TRAPPC3L: variants seen among roughly 807,000 people sequenced by gnomAD.
TRAPPC3L encodes trafficking protein particle complex subunit 3-like protein.
Under a neutral mutation model 23.7 loss-of-function variants are expected in TRAPPC3L, and 23 were observed. The observed-to-expected ratio is 0.97, with a 90% CI of 0.70 to 1.37. The LOEUF (loss-of-function observed/expected upper bound fraction) is 1.37, where lower values mean the gene tolerates loss of function less well. TRAPPC3L is among the 40% of genes most tolerant of loss of function. TRAPPC3L has a pLI of 0.00. For synonymous variants in TRAPPC3L, 81 were observed against 77.9 expected, an observed-to-expected ratio of 1.04 and a Z score of -0.21; for missense variants, 212 against 216.8, an observed-to-expected ratio of 0.98 and a Z score of 0.14.
At chr6:116,534,304 A>G (rs1359122089) in intron 3 of TRAPPC3L, among the ~76,000 whole-genome samples, 2 of 152,194 alleles carry the variant, frequency 1.3e-5, no homozygotes, top group Non-Finnish European at 2.9e-5. Context: ...TTGAAGTGTC[A>G]AATCAGTGCT....
intron 3 of TRAPPC3L, among the ~76,000 whole-genome samples, chr6:116,513,902 TGTGACCTAGAACTA>T (rs1249735881): frequency 6.6e-6 from 1 of 152,220 alleles, no homozygotes; most frequent in Non-Finnish European, 1.5e-5. Flanking sequence ...TCACCAGCTA[TGTGACCTAGAACTA>T]GTGGTTCGAC....
At chr6:116,538,051 G>T (rs1235269761) in intron 3 of TRAPPC3L, among the ~76,000 whole-genome samples, 1 of 152,140 alleles carries the variant, frequency 6.6e-6, no homozygotes. Context: ...TTTGTTAGCA[G>T]CTATTTTGAA....
chr6:116,541,072 G>A lies in TRAPPC3L; in HGVS notation c.141-610C>T, dbSNP rs552719229. Among the ~76,000 whole-genome samples the A allele has an allele frequency of 2.6e-5, 4 of 152,154 alleles. No homozygotes were observed. The South Asian group carries it at 6.2e-4, about 24-fold the overall frequency. ...CAGGGAAACAAACTATGGGATTGGGGGAAGGTATTGTATTATCTCCACCCC... is the reference window on the plus strand; with the variant it reads ...CAGGGAAACAAACTATGGGATTGGGAGAAGGTATTGTATTATCTCCACCCC... On this transcript the variant is annotated intron_variant, in intron 2 of 4. Transcript: ENST00000368602.
chr6:116,495,229 T>G lies in TRAPPC3L; in HGVS notation c.*1725A>C, dbSNP rs1187694805. On this transcript the variant is annotated 3_prime_UTR_variant, in exon 5 of 5. Coordinates refer to ENST00000368602, the MANE Select transcript of TRAPPC3L (RefSeq NM_001139444.3). ...CCATATCTCCATGAGTCCACTGTTT[T>G]AATTTTTAGCTCCTACAAATAAATG... 2 of 151,946 alleles carry G rather than the reference T, an allele frequency of 1.3e-5. No individual in the cohort carries two copies. The highest frequency in any genetic ancestry group is 3.9e-4 in the East Asian group (2 of 5,164). The allele number at this position is 151,946 out of a possible 1,614,324, so 9.4% of individuals were successfully genotyped here.
At chr6:116,539,878 T>C (rs760246762) in intron 3 of TRAPPC3L, among the ~76,000 whole-genome samples, 24 of 152,208 alleles carry the variant, frequency 1.6e-4, no homozygotes, top group Non-Finnish European at 3.5e-4. Flanking sequence ...TGATTCCAAG[T>C]TGTCTCCTAC....
chr6:116,503,816 G>A (rs1311629188), intron 3 of TRAPPC3L, among the ~76,000 whole-genome samples: 1 of 152,138 alleles, frequency 6.6e-6, no homozygotes, highest in Non-Finnish European at 1.5e-5. Context: ...GATGTTCTTA[G>A]AAACCAATGA....
intron 3 of TRAPPC3L, among the ~76,000 whole-genome samples, chr6:116,501,309 G>A (rs963879635): frequency 6.6e-6 from 1 of 152,204 alleles, no homozygotes; most frequent in African/African-American, 2.4e-5. Flanking sequence ...GTCTGCCATT[G>A]CTGAGGTTTG....
chr6:116,542,082 C>CA (rs1317666887), intron 2 of TRAPPC3L, among the ~76,000 whole-genome samples: 3 of 151,996 alleles, frequency 2.0e-5, no homozygotes, highest in Non-Finnish European at 4.4e-5. Flanking sequence ...AGCTTTTTCA[C>CA]AAAACAATGC....
At chr6:116,545,405 C>T in intron 1 of TRAPPC3L, 68 bp downstream of exon 1, 1 of 1,384,724 alleles carries the variant, frequency 7.2e-7, no homozygotes, top group Non-Finnish European at 9.9e-7. Flanking sequence ...TTTTTAAAAT[C>T]AATCAGAAAT....
At position 116,515,543 on chromosome 6, in the gene TRAPPC3L, C is replaced by T. The variant is rs1772204845; in HGVS notation, c.241-14877G>A. Reference sequence around the variant, plus strand: ...AGCTATACACTTCTCAATAATACCCCAGCTCCCTAAATGGCTTTGCTTTCA... The same window carrying T: ...AGCTATACACTTCTCAATAATACCCTAGCTCCCTAAATGGCTTTGCTTTCA... On this transcript the variant is annotated intron_variant, in intron 3 of 4. Transcript: ENST00000368602. 4 of 1,519,492 alleles carry T rather than the reference C, an allele frequency of 2.6e-6. No homozygotes were observed. In the Admixed American group the frequency reaches 8.3e-5, roughly 32 times the overall value. The allele number at this position is 1,519,492 out of a possible 1,614,324, so 94.1% of individuals were successfully genotyped here.
intron 3 of TRAPPC3L, among the ~76,000 whole-genome samples, chr6:116,508,429 GC>G (rs1419454050): frequency 1.3e-5 from 2 of 152,194 alleles, no homozygotes; most frequent in Admixed American, 6.6e-5. Flanking sequence ...GCAGTTGTGA[GC>G]CCCAAAGGTG....
chr6:116,500,361 G>A, intron 4 of TRAPPC3L, 120 bp downstream of exon 4: 1 of 913,240 alleles, frequency 1.1e-6, no homozygotes, highest in Non-Finnish European at 1.6e-6. Flanking sequence ...GGGGTAATTT[G>A]TAACACACCA....
intron 2 of TRAPPC3L, among the ~76,000 whole-genome samples, chr6:116,540,921 G>C (rs1773409885): frequency 1.3e-5 from 2 of 152,048 alleles, no homozygotes; most frequent in African/African-American, 4.8e-5. Context: ...TTCCAGGATG[G>C]GCTCTGGAAG....
At chr6:116,508,815 T>C (rs1024106127) in intron 3 of TRAPPC3L, among the ~76,000 whole-genome samples, 1 of 152,120 alleles carries the variant, frequency 6.6e-6, no homozygotes, top group Admixed American at 6.6e-5. Context: ...AACACAGTGC[T>C]ATTAATAGAA....
chr6:116,529,184 G>A (rs933364797), intron 3 of TRAPPC3L: 3 of 152,216 alleles, frequency 2.0e-5, no homozygotes, highest in Non-Finnish European at 2.9e-5. Context: ...CTTCAGCTCT[G>A]TGCGTGGTAA....
At chr6:116,515,175 A>G (rs993295746) in intron 3 of TRAPPC3L, among the ~76,000 whole-genome samples, 8 of 152,188 alleles carry the variant, frequency 5.3e-5, no homozygotes, top group African/African-American at 1.7e-4. Context: ...GTCTCTAGCC[A>G]TGTATATACA....
chr6:116,520,931 T>A (rs1185139898), intron 3 of TRAPPC3L: 2 of 152,006 alleles, frequency 1.3e-5, no homozygotes, highest in East Asian at 3.9e-4. Flanking sequence ...TTTTTATGAA[T>A]TTAAATTGGT....
rs1171116153 is a variant in TRAPPC3L at position 116,496,072 on chromosome 6, T to G, written c.*882A>C. 1.3e-5 allele frequency: 2 copies of G among 152,328 alleles called. No homozygotes were observed. Among genetic ancestry groups the G allele is most frequent in the Admixed American group, 6.5e-5 (1 of 15,290 alleles). 9.4% of individuals were successfully genotyped at this position (152,328 alleles called of 1,614,324 possible). Reference sequence around the variant, plus strand: ...GGCTGCCTTGTAGGCCGCCCTTGTGTGCCAGTGGTCTGGTGAAGATTACTG... The same window carrying G: ...GGCTGCCTTGTAGGCCGCCCTTGTGGGCCAGTGGTCTGGTGAAGATTACTG... On this transcript the variant is annotated 3_prime_UTR_variant, in exon 5 of 5. Transcript: ENST00000368602.
intron 3 of TRAPPC3L, among the ~76,000 whole-genome samples, chr6:116,530,989 C>T (rs185017760): frequency 1.6e-4 from 22 of 140,858 alleles, no homozygotes; most frequent in African/African-American, 5.6e-4. Flanking sequence ...TTGTCAATTA[C>T]TTTGCCCTGT....
Sources: gnomAD v4.1 joint callset for allele counts (sites outside exome capture counted in the v4.1 genomes callset) on GRCh38, gnomAD v4.1.1 for gene constraint, MANE v1.5 for transcripts, NCBI Gene and HGNC (gene_info 2026-07-23, HGNC 2026-07-21) for gene names.